The following KCNN2 variants were observed in gnomAD, a reference collection of about 807,000 sequenced individuals.
KCNN2 encodes the protein potassium calcium-activated channel subfamily N member 2, also known as small conductance calcium-activated potassium channel protein 2.
KCNN2 carries 24 observed loss-of-function variants against 55.5 expected under a neutral mutation model. The observed-to-expected ratio is 0.43, with a 90% CI of 0.31 to 0.61. KCNN2 has a LOEUF of 0.61. Ranked by LOEUF, KCNN2 falls within the 20% of genes least tolerant of loss-of-function variation. The pLI, the probability that KCNN2 is intolerant of heterozygous loss-of-function variation, is 0.08. For synonymous variants in KCNN2, 431 were observed against 336.1 expected, an observed-to-expected ratio of 1.28 and a Z score of -3.09; for missense variants, 754 against 853.6, an observed-to-expected ratio of 0.88 and a Z score of 1.45.
At chr5:114,260,972 C>A (rs900726354) in intron 2 of KCNN2, among the ~76,000 whole-genome samples, 1 of 151,276 alleles carries the variant, frequency 6.6e-6, no homozygotes, top group Non-Finnish European at 1.5e-5. Flanking sequence ...GAACATGTGG[C>A]ATAAGTCTAC....
intron 1 of KCNN2, among the ~76,000 whole-genome samples, chr5:114,080,277 T>A (rs919854524): frequency 3.9e-5 from 6 of 152,186 alleles, no homozygotes; most frequent in Non-Finnish European, 8.8e-5. Flanking sequence ...TTATTGCACA[T>A]TCCTGTTCTG....
chr5:114,355,519 A>T (rs1347165172), intron 2 of KCNN2, among the ~76,000 whole-genome samples: 1 of 152,142 alleles, frequency 6.6e-6, no homozygotes, highest in African/African-American at 2.4e-5. Flanking sequence ...ATTTGGTTCC[A>T]CTTTTGCTAA....
At chr5:114,092,939 G>T (rs1751175710) in intron 1 of KCNN2, among the ~76,000 whole-genome samples, 1 of 152,162 alleles carries the variant, frequency 6.6e-6, no homozygotes, top group Non-Finnish European at 1.5e-5. Flanking sequence ...CCTCTGACAT[G>T]CCTTAGAGAC....
At chr5:114,360,422 G>A (rs1757382846), upstream of KCNN2, among the ~76,000 whole-genome samples, 2 of 152,132 alleles carry the variant, frequency 1.3e-5, no homozygotes, top group Non-Finnish European at 2.9e-5. Flanking sequence ...AGGGTGATCC[G>A]CTTTCACTCT....
At chr5:114,466,735 T>C (rs1049747479) in intron 4 of KCNN2, among the ~76,000 whole-genome samples, 2 of 152,130 alleles carry the variant, frequency 1.3e-5, no homozygotes, top group African/African-American at 4.8e-5. Context: ...GTAATATCTG[T>C]TCATTCCTAG....
intron 2 of KCNN2, among the ~76,000 whole-genome samples, chr5:114,231,157 T>G (rs1183597248): frequency 6.2e-5 from 1 of 16,018 alleles, no homozygotes; most frequent in Non-Finnish European, 1.3e-4. Flanking sequence ...TAAATTTGTT[T>G]GAGTTCATTG....
intron 2 of KCNN2, among the ~76,000 whole-genome samples, chr5:114,402,611 T>C (rs950404456): frequency 1.3e-5 from 2 of 152,188 alleles, no homozygotes; most frequent in South Asian, 2.1e-4. Context: ...TTGTGGCTAA[T>C]GTATCAAATA....
At chr5:114,192,090 G>A (rs1022742660) in intron 1 of KCNN2, among the ~76,000 whole-genome samples, 9 of 152,158 alleles carry the variant, frequency 5.9e-5, no homozygotes, top group Non-Finnish European at 1.5e-5. Context: ...TAGCCAAGAT[G>A]TGCATTTTTA....
chr5:114,275,971 T>C (rs1022123425), intron 2 of KCNN2, among the ~76,000 whole-genome samples: 10 of 152,226 alleles, frequency 6.6e-5, no homozygotes, highest in Non-Finnish European at 7.3e-5. Flanking sequence ...CATTTAGTGC[T>C]ATAAATTTTC....
At chr5:114,291,181 T>TTTTTA (rs925150887) in intron 2 of KCNN2, among the ~76,000 whole-genome samples, 3 of 142,106 alleles carry the variant, frequency 2.1e-5, no homozygotes, top group Non-Finnish European at 4.6e-5. Context: ...TATATGAGCT[T>TTTTTA]TTTTATTTTA....
At chr5:114,304,269 G>T (rs904349776) in intron 2 of KCNN2, among the ~76,000 whole-genome samples, 1 of 152,126 alleles carries the variant, frequency 6.6e-6, no homozygotes, top group Non-Finnish European at 1.5e-5. Context: ...CAGTTTTTAC[G>T]AGGCCATAGT....
At chr5:114,187,382 C>T (rs535694510) in intron 1 of KCNN2, among the ~76,000 whole-genome samples, 84 of 152,102 alleles carry the variant, frequency 5.5e-4, no homozygotes, top group Non-Finnish European at 9.4e-4. Context: ...CCTTTTCCTT[C>T]CTGAAAGGAG....
intron 2 of KCNN2, among the ~76,000 whole-genome samples, chr5:114,325,968 G>A (rs942361064): frequency 1.3e-5 from 2 of 152,176 alleles, no homozygotes; most frequent in Non-Finnish European, 2.9e-5. Flanking sequence ...AAACACTTCA[G>A]GTTTTTGGTT....
At chr5:114,061,199 T>C (rs1229266090) in intron 1 of KCNN2, among the ~76,000 whole-genome samples, 2 of 152,184 alleles carry the variant, frequency 1.3e-5, no homozygotes, top group Admixed American at 6.5e-5. Context: ...AGTCTAGTTA[T>C]TGGCCAGGGG....
chr5:114,233,132 G>A (rs1336200887), intron 2 of KCNN2, among the ~76,000 whole-genome samples: 2 of 149,530 alleles, frequency 1.3e-5, no homozygotes, highest in South Asian at 4.2e-4. Flanking sequence ...GTTTTAGCCG[G>A]GATGGTCTCG....
At chr5:114,411,251 T>G (rs62378430) in intron 3 of KCNN2, among the ~76,000 whole-genome samples, 11,337 of 152,234 alleles carry the variant, frequency 0.074, 538 homozygotes, top group Non-Finnish European at 0.099. Context: ...TTATTTTGTT[T>G]TCGTTTTTAA....
intron 2 of KCNN2, among the ~76,000 whole-genome samples, chr5:114,384,032 G>A (rs1478215776): frequency 2.6e-5 from 4 of 152,174 alleles, no homozygotes; most frequent in Admixed American, 6.5e-5. Flanking sequence ...AGTGAGTAGC[G>A]AAGTTGAGAA....
chr5:114,155,836 T>C (rs553140829), intron 1 of KCNN2, among the ~76,000 whole-genome samples: 1 of 152,314 alleles, frequency 6.6e-6, no homozygotes, highest in African/African-American at 2.4e-5. Flanking sequence ...AGGTTGTCTG[T>C]TCACTCTGTT....
intron 2 of KCNN2, among the ~76,000 whole-genome samples, chr5:114,311,106 GAA>G (rs1756383588): frequency 6.6e-6 from 1 of 151,956 alleles, no homozygotes; most frequent in South Asian, 2.1e-4. Context: ...AAACCTAAGT[GAA>G]CTTTGTTTAA....
Sources: gnomAD v4.1 joint callset for allele counts (sites outside exome capture counted in the v4.1 genomes callset) on GRCh38, gnomAD v4.1.1 for gene constraint, MANE v1.5 for transcripts, NCBI Gene and HGNC (gene_info 2026-07-23, HGNC 2026-07-21) for gene names.